Variants in HTR2C observed in about 807,000 individuals in gnomAD.
HTR2C encodes 5-hydroxytryptamine receptor 2C.
Under a neutral mutation model 21.0 loss-of-function variants are expected in HTR2C, and 5 were observed. That is an observed-to-expected ratio of 0.24 (90% CI 0.12 to 0.50). The LOEUF (loss-of-function observed/expected upper bound fraction) is 0.50. Among genes scored for constraint, HTR2C ranks in the 20% least tolerant of loss-of-function variants. The probability of loss-of-function intolerance (pLI) is 0.98; values close to 1 mark genes in which losing one functional copy is unlikely to be tolerated. For synonymous variants in HTR2C, 150 were observed against 145.3 expected (o/e 1.03, Z -0.23); for missense variants, 271 against 371.2 (o/e 0.73, Z 2.22).
At chrX:114,859,153 G>A (rs1873887847) in intron 5 of HTR2C, among the ~76,000 whole-genome samples, 1 of 110,773 alleles carries the variant, frequency 9.0e-6, no homozygotes, top group African/African-American at 3.3e-5. Flanking sequence ...AGTTTTGGTA[G>A]CAGGGTATGC....
At chrX:114,624,273 T>G in intron 2 of HTR2C, among the ~76,000 whole-genome samples, 1 of 111,373 alleles carries the variant, frequency 9.0e-6, no homozygotes, top group Non-Finnish European at 1.9e-5. Flanking sequence ...TAAATAAATA[T>G]CAGATGAAAG....
At chrX:114,716,319 G>A (rs1932995726) in intron 2 of HTR2C, among the ~76,000 whole-genome samples, 1 of 112,532 alleles carries the variant, frequency 8.9e-6, no homozygotes, top group African/African-American at 3.2e-5. Flanking sequence ...AGGTCTAGCT[G>A]TGAAAAACAT....
At chrX:114,846,661 C>A (rs1232482631) in intron 4 of HTR2C, among the ~76,000 whole-genome samples, 3 of 111,557 alleles carry the variant, frequency 2.7e-5, no homozygotes, top group Middle Eastern at 9.4e-3. Context: ...AGAAAATGTC[C>A]TTGACAGGCA....
intron 5 of HTR2C, among the ~76,000 whole-genome samples, chrX:114,875,401 TTC>T (rs1311267101): frequency 8.9e-6 from 1 of 111,961 alleles, no homozygotes; most frequent in African/African-American, 3.2e-5. Flanking sequence ...GCACAGAAAC[TTC>T]TGTTTGATAT....
At chrX:114,701,193 T>A (rs1932476086) in intron 2 of HTR2C, among the ~76,000 whole-genome samples, 1 of 111,684 alleles carries the variant, frequency 9.0e-6, no homozygotes, top group African/African-American at 3.2e-5. Flanking sequence ...TGTCTGACAG[T>A]TTTGGAGAGA....
chrX:114,694,118 GC>G (rs1317340967), intron 2 of HTR2C, among the ~76,000 whole-genome samples: 3 of 110,540 alleles, frequency 2.7e-5, no homozygotes, highest in Non-Finnish European at 5.7e-5. Context: ...TTTTAGAATT[GC>G]CCCACTTAGC....
intron 2 of HTR2C, among the ~76,000 whole-genome samples, chrX:114,701,726 G>A (rs1556416809): frequency 8.9e-6 from 1 of 112,453 alleles, no homozygotes; most frequent in East Asian, 2.8e-4. Context: ...ACCTTGACGA[G>A]TTGAGAGAAG....
intron 4 of HTR2C, among the ~76,000 whole-genome samples, chrX:114,786,020 C>A (rs782793508): frequency 8.9e-6 from 1 of 111,842 alleles, no homozygotes; most frequent in Non-Finnish European, 1.9e-5. Flanking sequence ...GAGAAAAGGA[C>A]AAAGGATTTC....
intron 4 of HTR2C, among the ~76,000 whole-genome samples, chrX:114,819,010 TTAAC>T (rs1354859500): frequency 1.8e-5 from 2 of 111,795 alleles, no homozygotes; most frequent in East Asian, 5.6e-4. Flanking sequence ...AATTTATTAT[TTAAC>T]TAATTTTGAC....
intron 2 of HTR2C, among the ~76,000 whole-genome samples, chrX:114,644,659 G>A (rs896747029): frequency 4.6e-5 from 5 of 107,635 alleles, no homozygotes; most frequent in Non-Finnish European, 7.6e-5. Flanking sequence ...TGAACGTTTT[G>A]GTGCTTGAGC....
chrX:114,686,817 T>C (rs1931932723), intron 2 of HTR2C, among the ~76,000 whole-genome samples: 1 of 111,143 alleles, frequency 9.0e-6, no homozygotes, highest in Admixed American at 9.6e-5. Flanking sequence ...TCACCTTAAA[T>C]AAAAATAGCA....
At chrX:114,800,729 T>C (rs1289287929) in intron 4 of HTR2C, among the ~76,000 whole-genome samples, 9 of 111,580 alleles carry the variant, frequency 8.1e-5, no homozygotes, top group Non-Finnish European at 1.5e-4. Flanking sequence ...ATCTTTACAG[T>C]GTGGTCCTCG....
chrX:114,823,364 T>A (rs1336051002), intron 4 of HTR2C: 2 of 332,396 alleles, frequency 6.0e-6, no homozygotes, highest in Non-Finnish European at 1.2e-5. Context: ...GAGGCTTTCA[T>A]GACAGCATTT....
intron 2 of HTR2C, among the ~76,000 whole-genome samples, chrX:114,649,937 G>T (rs1032657840): frequency 9.0e-6 from 1 of 111,390 alleles, no homozygotes; most frequent in African/African-American, 3.3e-5. Flanking sequence ...TTGAAGATTT[G>T]TGTAGCATCA....
chrX:114,614,705 A>G (rs1297416189), intron 2 of HTR2C, among the ~76,000 whole-genome samples: 3 of 111,840 alleles, frequency 2.7e-5, no homozygotes, highest in Non-Finnish European at 5.6e-5. Context: ...AGAGGCAGGG[A>G]GAGGAGAATT....
chrX:114,615,417 T>A, intron 2 of HTR2C, among the ~76,000 whole-genome samples: 1 of 111,736 alleles, frequency 8.9e-6, no homozygotes, highest in Non-Finnish European at 1.9e-5. Flanking sequence ...AAATGTAAAA[T>A]TTTGAAGAAC....
chrX:114,905,878 A>G lies in HTR2C; in HGVS notation c.551-711A>G, dbSNP rs73573346. ...CTTCCCTAGAGTACTACCTCTCAGT[A>G]TTCTTAAAACAAAAATGCTCAAAAT... On this transcript the variant is annotated intron_variant, in intron 5 of 5. Coordinates refer to ENST00000276198, the MANE Select transcript of HTR2C (RefSeq NM_000868.4). Among the ~76,000 whole-genome samples, 624 of 111,538 alleles carry G rather than the reference A, an allele frequency of 5.6e-3. 3 individuals carry two copies. The highest frequency in any genetic ancestry group is 0.019 in the African/African-American group (594 of 30,674).
chrX:114,717,886 A>C (rs1183871322), intron 2 of HTR2C, among the ~76,000 whole-genome samples: 2 of 111,564 alleles, frequency 1.8e-5, no homozygotes, highest in East Asian at 2.8e-4. Context: ...GGACTTGGCC[A>C]AGGATTGTGG....
At chrX:114,724,054 C>G (rs1933337970) in intron 2 of HTR2C, among the ~76,000 whole-genome samples, 1 of 103,147 alleles carries the variant, frequency 9.7e-6, no homozygotes, top group Non-Finnish European at 2.0e-5. Flanking sequence ...GAGCTGAGTT[C>G]AATTCCTGGG....
Sources: gnomAD v4.1 joint callset for allele counts (sites outside exome capture counted in the v4.1 genomes callset) on GRCh38, gnomAD v4.1.1 for gene constraint, MANE v1.5 for transcripts, NCBI Gene and HGNC (gene_info 2026-07-23, HGNC 2026-07-21) for gene names.